Variants in RACGAP1 observed in about 807,000 individuals in gnomAD.
The protein encoded by RACGAP1 is rac GTPase-activating protein 1.
Under a neutral mutation model 78.1 loss-of-function variants are expected in RACGAP1, and 30 were observed. The ratio of observed to expected loss-of-function variants is 0.38; its 90% confidence interval spans 0.29 to 0.52. RACGAP1 has a LOEUF of 0.52. Among genes scored for constraint, RACGAP1 ranks in the 20% least tolerant of loss-of-function variants. RACGAP1 has a pLI of 0.82. For missense variants in RACGAP1, 587 were observed against 777.1 expected (o/e 0.76, Z 2.91); for synonymous variants, 231 against 264.8 (o/e 0.87, Z 1.24).
chr12:50,002,130 G>A, intron 6 of RACGAP1, 117 bp downstream of exon 6: 1 of 630,008 alleles, frequency 1.6e-6, no homozygotes, highest in Non-Finnish European at 2.8e-6. Flanking sequence ...TTCATCTGTA[G>A]TATGTGCTTA....
chr12:49,997,871 C>T (rs1948412379), intron 9 of RACGAP1, among the ~76,000 whole-genome samples: 1 of 151,980 alleles, frequency 6.6e-6, no homozygotes, highest in Non-Finnish European at 1.5e-5. Context: ...AGCCACTGTG[C>T]CCAGCCATAA....
chr12:50,010,067 G>C (rs906188421), intron 2 of RACGAP1, among the ~76,000 whole-genome samples: 1 of 152,110 alleles, frequency 6.6e-6, no homozygotes, highest in African/African-American at 2.4e-5. Flanking sequence ...GCATAGTGTA[G>C]CACAAACCTA....
At chr12:49,998,901 T>C (rs1451441112) in intron 9 of RACGAP1, among the ~76,000 whole-genome samples, 1 of 149,584 alleles carries the variant, frequency 6.7e-6, no homozygotes, top group Non-Finnish European at 1.5e-5. Context: ...CTGTCTCAAA[T>C]TAAAAAAAAA....
chr12:49,993,013 G>C (rs1390552770), intron 12 of RACGAP1, among the ~76,000 whole-genome samples: 1 of 152,148 alleles, frequency 6.6e-6, no homozygotes. Flanking sequence ...TAAAGCAGAA[G>C]TAAACAAAGC....
At chr12:50,031,857 G>C (rs550211811) in exon 2 of RACGAP1, 57 of 490,938 alleles carry the variant, frequency 1.2e-4, no homozygotes, top group Middle Eastern at 2.1e-3. Context: ...GCTGTGGCTT[G>C]ACTTGCTCAT....
chr12:49,995,692 G>A (rs1002753004), intron 10 of RACGAP1, among the ~76,000 whole-genome samples: 4 of 151,986 alleles, frequency 2.6e-5, no homozygotes, highest in Non-Finnish European at 4.4e-5. Flanking sequence ...ATGGAGTCTT[G>A]CTTTGTTGTC....
chr12:50,031,631 T>G, intron 2 of RACGAP1: 5 of 959,066 alleles, frequency 5.2e-6, no homozygotes, highest in Non-Finnish European at 6.2e-6. Flanking sequence ...ACCTTCCCTG[T>G]GCGCCAGCAC....
intron 7 of RACGAP1, 67 bp from the exon 8 acceptor site, chr12:49,999,800 T>G: frequency 1.1e-5 from 14 of 1,262,796 alleles, no homozygotes; most frequent in Non-Finnish European, 1.5e-5. Flanking sequence ...TATAGGGTAT[T>G]TTGGAGCAGG....
At position 49,990,092 on chromosome 12, in the gene RACGAP1, G is replaced by A. The variant is rs899246129; in HGVS notation, c.*176C>T. 1 of 497,466 alleles carries A rather than the reference G, an allele frequency of 2.0e-6. No individual in the cohort carries two copies. The highest frequency in any genetic ancestry group is 3.3e-5 in the Admixed American group (1 of 30,746). 30.8% of individuals were successfully genotyped at this position (497,466 alleles called of 1,614,324 possible). The stretch of plus-strand genomic sequence containing the variant: ...AAAGTGCTGATATTATGTGACTTGA[G>A]GAGAAGGAAGGGGAGATATATATAG... On this transcript the variant is annotated 3_prime_UTR_variant, in exon 17 of 17. Transcript: ENST00000312377.
intron 2 of RACGAP1, among the ~76,000 whole-genome samples, chr12:50,010,130 C>T (rs1425617959): frequency 6.6e-6 from 1 of 152,026 alleles, no homozygotes; most frequent in Non-Finnish European, 1.5e-5. Flanking sequence ...TATACTTATT[C>T]CTAATTTATA....
At chr12:50,005,532 G>A (rs1255888773) in intron 3 of RACGAP1, 140 bp from the exon 4 acceptor site, 21 of 891,268 alleles carry the variant, frequency 2.4e-5, no homozygotes, top group Non-Finnish European at 3.2e-5. Flanking sequence ...TACACCAATA[G>A]CATATTAATT....
chr12:50,012,038 G>A (rs1010054437), intron 2 of RACGAP1, among the ~76,000 whole-genome samples: 7 of 151,904 alleles, frequency 4.6e-5, no homozygotes, highest in Non-Finnish European at 8.8e-5. Context: ...TGAGGTAGGA[G>A]GATTGCTTGA....
At chr12:50,024,696 G>T (rs1277559766) in intron 1 of RACGAP1, among the ~76,000 whole-genome samples, 1 of 151,782 alleles carries the variant, frequency 6.6e-6, no homozygotes, top group Non-Finnish European at 1.5e-5. Context: ...AATACTTATT[G>T]AATGATTAAG....
At chr12:50,012,861 C>G (rs1410216242) in intron 2 of RACGAP1, among the ~76,000 whole-genome samples, 1 of 150,522 alleles carries the variant, frequency 6.6e-6, no homozygotes, top group Non-Finnish European at 1.5e-5. Flanking sequence ...GTCGGGAGTT[C>G]AAGACCAGCC....
chr12:49,990,266 C>G lies in RACGAP1; in HGVS notation c.*2G>C. On this transcript the variant is annotated 3_prime_UTR_variant, in exon 17 of 17. Coordinates refer to ENST00000312377, the MANE Select transcript of RACGAP1 (RefSeq NM_001319999.2). ...GCTGGGAAGTAACAGGCAGATGTGACTTCACTTGAGCATTGGAGAAGCAAA... is the reference window on the plus strand; with the variant it reads ...GCTGGGAAGTAACAGGCAGATGTGAGTTCACTTGAGCATTGGAGAAGCAAA... 1 of 1,611,496 alleles carries G rather than the reference C, an allele frequency of 6.2e-7. No homozygotes were observed. Among genetic ancestry groups the G allele is most frequent in the Non-Finnish European group, 8.5e-7 (1 of 1,177,722 alleles).
intron 16 of RACGAP1, 89 bp downstream of exon 16, chr12:49,990,595 T>C: frequency 9.2e-7 from 1 of 1,081,972 alleles, no homozygotes; most frequent in East Asian, 2.4e-5. Context: ...TAAAATCGAA[T>C]GCAATTTTTC....
intron 12 of RACGAP1, among the ~76,000 whole-genome samples, chr12:49,993,590 C>T (rs2137250408): frequency 1.3e-5 from 2 of 150,886 alleles, no homozygotes; most frequent in South Asian, 4.2e-4. Context: ...AGTTTGAGAC[C>T]AGCCTGGCTA....
intron 1 of RACGAP1, among the ~76,000 whole-genome samples, chr12:50,018,821 A>T (rs185627817): frequency 3.5e-4 from 53 of 151,510 alleles, no homozygotes; most frequent in African/African-American, 1.3e-3. Context: ...ATTACAATAT[A>T]ACCTGTTCTC....
intron 1 of RACGAP1, among the ~76,000 whole-genome samples, chr12:50,018,329 G>A (rs528075443): frequency 1.3e-5 from 2 of 152,022 alleles, no homozygotes; most frequent in Non-Finnish European, 2.9e-5. Context: ...ATTTTCAAAC[G>A]GCAAGTATCT....
Sources: allele counts gnomAD v4.1 joint callset (sites outside exome capture counted in the v4.1 genomes callset), GRCh38; gene constraint gnomAD v4.1.1; transcripts MANE v1.5; gene names NCBI Gene and HGNC (gene_info 2026-07-23, HGNC 2026-07-21).